Variants in TCF4 observed in about 807,000 individuals in gnomAD.
The protein encoded by TCF4 is SL3-3 enhancer factor 2.
In TCF4, 3 loss-of-function variants were observed where a neutral mutation model predicts 82.1. That is an observed-to-expected ratio of 0.04 (90% CI 0.02 to 0.09). The LOEUF is 0.09. Ranked by LOEUF, TCF4 falls within the 10% of genes least tolerant of loss-of-function variation. The pLI, the probability that TCF4 is intolerant of heterozygous loss-of-function variation, is 1.00. For synonymous variants in TCF4, 276 were observed against 309.6 expected (o/e 0.89, Z 1.14); for missense variants, 518 against 852.7 (o/e 0.61, Z 4.89).
chr18:55,361,428 TAGTCAGAGTCAC>T lies in TCF4; in HGVS notation c.370-10437_370-10426del, dbSNP rs2085166791. Among the ~76,000 whole-genome samples the T allele has an allele frequency of 2.0e-5, 3 of 152,208 alleles. No homozygotes were observed. The South Asian group carries it at 6.2e-4, about 32-fold the overall frequency. On this transcript the variant is annotated intron_variant, in intron 6 of 19. Coordinates refer to ENST00000354452, the MANE Select transcript of TCF4 (RefSeq NM_001083962.2). ...TCTTCCCTTCCCTGCAGCCTACCTA[TAGTCAGAGTCAC>T]ATGGAATTGCTCACGGTTCCCTAAT...
chr18:55,521,627 G>A (rs933852712), intron 3 of TCF4, among the ~76,000 whole-genome samples: 1 of 152,162 alleles, frequency 6.6e-6, no homozygotes, highest in Non-Finnish European at 1.5e-5. Flanking sequence ...TGTGCCTTCT[G>A]CAAGGCCATC....
chr18:55,579,761 CA>C (rs1365980396), intron 3 of TCF4, among the ~76,000 whole-genome samples: 1 of 151,988 alleles, frequency 6.6e-6, no homozygotes, highest in Non-Finnish European at 1.5e-5. Context: ...GACGAGGTTG[CA>C]AACTTCCAAT....
At chr18:55,621,156 T>C (rs1328847272) in intron 2 of TCF4, among the ~76,000 whole-genome samples, 1 of 151,622 alleles carries the variant, frequency 6.6e-6, no homozygotes, top group Non-Finnish European at 1.5e-5. Context: ...ATAGTTACAC[T>C]AGCTGTGGGA....
rs768077615 is a variant in TCF4 at position 55,223,065 on chromosome 18, G to A, written c.*4970C>T. The A allele has an allele frequency of 6.6e-6, 1 of 152,150 alleles. No individual in the cohort carries two copies. The highest frequency in any genetic ancestry group is 1.5e-5 in the Non-Finnish European group (1 of 68,026). The allele number at this position is 152,150 out of a possible 1,614,324, so 9.4% of individuals were successfully genotyped here. Reference sequence around the variant, plus strand: ...TCTGAGAATGTTCTGCCAAACAGCCGACCAACTGGTGCAAAAGGTTAAGGC... The same window carrying A: ...TCTGAGAATGTTCTGCCAAACAGCCAACCAACTGGTGCAAAAGGTTAAGGC... On this transcript the variant is annotated 3_prime_UTR_variant, in exon 20 of 20. Transcript: ENST00000354452.
chr18:55,420,013 C>G (rs774284986), intron 5 of TCF4, among the ~76,000 whole-genome samples: 7 of 152,150 alleles, frequency 4.6e-5, no homozygotes, highest in Non-Finnish European at 1.0e-4. Flanking sequence ...TGATCACCCA[C>G]AGGTTTCCTA....
chr18:55,475,558 T>C (rs980212654), intron 3 of TCF4, among the ~76,000 whole-genome samples: 17 of 152,220 alleles, frequency 1.1e-4, no homozygotes, highest in Admixed American at 3.3e-4. Flanking sequence ...TTTTTAAGTA[T>C]GTGCTTATTG....
intron 3 of TCF4, among the ~76,000 whole-genome samples, chr18:55,582,237 A>G (rs1356636407): frequency 1.3e-5 from 2 of 152,100 alleles, no homozygotes; most frequent in Non-Finnish European, 2.9e-5. Context: ...TTCAATGAGA[A>G]TAATTTTCCA....
At chr18:55,537,829 T>G (rs192611415) in intron 3 of TCF4, among the ~76,000 whole-genome samples, 3 of 152,018 alleles carry the variant, frequency 2.0e-5, no homozygotes, top group African/African-American at 7.3e-5. Flanking sequence ...TCTAAGCCCC[T>G]CCTATATAAA....
intron 8 of TCF4, among the ~76,000 whole-genome samples, chr18:55,332,577 T>A (rs2077791123): frequency 6.6e-6 from 1 of 152,224 alleles, no homozygotes. Context: ...TTATAAAGCA[T>A]TACAAAATGA....
chr18:55,392,503 G>A (rs1267337838), intron 6 of TCF4, among the ~76,000 whole-genome samples: 3 of 147,292 alleles, frequency 2.0e-5, no homozygotes, highest in African/African-American at 5.0e-5. Flanking sequence ...CTTGATTTTC[G>A]ATTTTCTACC....
chr18:55,376,448 G>C (rs978143874), intron 6 of TCF4, among the ~76,000 whole-genome samples: 1 of 152,152 alleles, frequency 6.6e-6, no homozygotes, highest in Non-Finnish European at 1.5e-5. Context: ...CTGAAACTAG[G>C]CTAAAATGTT....
chr18:55,228,788 C>T (rs1280692579), intron 18 of TCF4, 59 bp downstream of exon 18: 2 of 1,579,904 alleles, frequency 1.3e-6, no homozygotes, highest in Non-Finnish European at 1.7e-6. Context: ...GTGCCCATCT[C>T]AGCTTGTGCC....
chr18:55,325,981 T>C (rs982524604), intron 8 of TCF4, among the ~76,000 whole-genome samples: 1 of 152,168 alleles, frequency 6.6e-6, no homozygotes, highest in Non-Finnish European at 1.5e-5. Flanking sequence ...AAAGAACATA[T>C]AATAATTGCC....
At chr18:55,481,079 G>C (rs2096417231) in intron 3 of TCF4, among the ~76,000 whole-genome samples, 1 of 137,844 alleles carries the variant, frequency 7.3e-6, no homozygotes. Context: ...ACTCCAACCT[G>C]GGCAACAGAG....
intron 7 of TCF4, 82 bp downstream of exon 7, chr18:55,350,792 G>T: frequency 6.3e-7 from 1 of 1,591,790 alleles, no homozygotes; most frequent in Non-Finnish European, 8.6e-7. Context: ...GGTAGGATGG[G>T]GGGGCGATAT....
intron 2 of TCF4, among the ~76,000 whole-genome samples, chr18:55,619,739 T>C (rs1466677292): frequency 6.6e-6 from 1 of 152,202 alleles, no homozygotes; most frequent in Admixed American, 6.5e-5. Flanking sequence ...TTTTCTTCCT[T>C]TTTGACATAC....
At chr18:55,319,393 T>C (rs981224467) in intron 8 of TCF4, among the ~76,000 whole-genome samples, 2 of 152,168 alleles carry the variant, frequency 1.3e-5, no homozygotes, top group African/African-American at 4.8e-5. Flanking sequence ...AAAAATGGTA[T>C]AGAATTGGCC....
Position 55,633,180 on chromosome 18 carries a change from C to G in TCF4, c.196-1792G>C, listed in dbSNP as rs1275043063. Among the ~76,000 whole-genome samples, 1 of 152,190 alleles carries G rather than the reference C, an allele frequency of 6.6e-6. No individual in the cohort carries two copies. Among genetic ancestry groups the G allele is most frequent in the Non-Finnish European group, 1.5e-5 (1 of 68,040 alleles). On this transcript the variant is annotated intron_variant, in intron 1 of 20. Coordinates refer to the TCF4 transcript ENST00000398339. The surrounding 1 kb of genome is among the most constrained non-coding windows in gnomAD (Gnocchi z 4.0). The stretch of plus-strand genomic sequence containing the variant: ...AGATAGTTCTGGCTTACGGTCTGTT[C>G]TGAGGTTTGAGCCAAGATGTGGACT...
intron 5 of TCF4, among the ~76,000 whole-genome samples, chr18:55,444,691 C>T (rs4801156): frequency 0.92 from 140,419 of 152,268 alleles, 65,014 homozygotes; most frequent in East Asian, 1. Context: ...AACTTATCTA[C>T]TCCCATGACT....
Sources: gnomAD v4.1 joint callset for allele counts (sites outside exome capture counted in the v4.1 genomes callset) on GRCh38, gnomAD v4.1.1 for gene constraint, Gnocchi (gnomAD v3.1) non-coding constraint, MANE v1.5 for transcripts, NCBI Gene and HGNC (gene_info 2026-07-23, HGNC 2026-07-21) for gene names.